PRDM16: variants seen among roughly 807,000 people sequenced by gnomAD.
PRDM16 encodes the protein PR/SET domain 16, also known as histone-lysine N-methyltransferase PRDM16.
In PRDM16, 23 loss-of-function variants were observed where a neutral mutation model predicts 110.6. That is an observed-to-expected ratio of 0.21 (90% CI 0.15 to 0.29). The LOEUF (loss-of-function observed/expected upper bound fraction) is 0.29, where lower values mean the gene tolerates loss of function less well. PRDM16 is among the 10% of genes least tolerant of loss of function. PRDM16 has a pLI of 1.00. For synonymous variants in PRDM16, 799 were observed against 781.8 expected, an observed-to-expected ratio of 1.02 and a Z score of -0.37; for missense variants, 1,615 against 1,794.3, an observed-to-expected ratio of 0.90 and a Z score of 1.81.
intron 3 of PRDM16, among the ~76,000 whole-genome samples, chr1:3,289,310 GC>G (rs941887848): frequency 6.6e-6 from 1 of 152,232 alleles, no homozygotes; most frequent in Non-Finnish European, 1.5e-5. Context: ...GAGGGGGTCA[GC>G]TTGGAAATCT....
chr1:3,085,988 G>T (rs1304874628), intron 1 of PRDM16, among the ~76,000 whole-genome samples: 1 of 152,248 alleles, frequency 6.6e-6, no homozygotes, highest in Non-Finnish European at 1.5e-5. Flanking sequence ...CTGACCCCAT[G>T]CCCTGGTCTG....
intron 6 of PRDM16, 64 bp from the exon 7 acceptor site, chr1:3,404,675 G>T (rs1467409859): frequency 4.4e-6 from 7 of 1,596,648 alleles, no homozygotes; most frequent in Non-Finnish European, 6.0e-6. Flanking sequence ...CTGTATGGTT[G>T]GGGTCCCCTC....
At chr1:3,184,481 C>T (rs1476653807) in intron 1 of PRDM16, among the ~76,000 whole-genome samples, 1 of 152,186 alleles carries the variant, frequency 6.6e-6, no homozygotes, top group African/African-American at 2.4e-5. Context: ...GAGGGGCTTG[C>T]GTGGAAAGAT....
chr1:3,276,676 C>CGTGAACAGAGCCAGCGAGGGGTGCT lies in PRDM16; in HGVS notation c.438+32563_438+32564insTGTGAACAGAGCCAGCGAGGGGTGC, dbSNP rs1333285261. Among the ~76,000 whole-genome samples the CGTGAACAGAGCCAGCGAGGGGTGCT allele has an allele frequency of 1.2e-3, 177 of 151,872 alleles. 1 individual carries two copies. The East Asian group carries it at 0.029, about 25-fold the overall frequency. ...GTCGGCCCCAGCCAGCTCGAGGTGC[C>CGTGAACAGAGCCAGCGAGGGGTGCT]GTGAACAGAGCCAGCGAGGGGTGCC... On this transcript the variant is annotated intron_variant, in intron 3 of 16. Transcript: ENST00000270722.
At chr1:3,217,963 G>T (rs1311564877) in intron 2 of PRDM16, among the ~76,000 whole-genome samples, 1 of 152,218 alleles carries the variant, frequency 6.6e-6, no homozygotes, top group Non-Finnish European at 1.5e-5. Context: ...TGTCACCGAT[G>T]TTGGGGTCTG....
intron 3 of PRDM16, among the ~76,000 whole-genome samples, chr1:3,279,947 C>G (rs1044321231): frequency 6.6e-6 from 1 of 150,730 alleles, no homozygotes; most frequent in South Asian, 2.1e-4. Flanking sequence ...AGCATGAGCT[C>G]GGTCAAGACA....
chr1:3,130,275 T>C (rs1643306145), intron 1 of PRDM16, among the ~76,000 whole-genome samples: 1 of 152,108 alleles, frequency 6.6e-6, no homozygotes. Flanking sequence ...ATGTGGACCG[T>C]GGGGTTCTGG....
rs910452616 is a variant in PRDM16, at chr1:3,414,500, G to A, written c.2604-60G>A. ...GGCGGGGTGGGCGGCTCTGTGGAGC[G>A]GGTGGCTCGGCGGGGCGGGCGGCTC... On this transcript the variant is annotated intron_variant, in intron 9 of 16. Coordinates refer to ENST00000270722, the MANE Select transcript of PRDM16 (RefSeq NM_022114.4). 1.6e-4 allele frequency: 214 copies of A among 1,336,414 alleles called. No homozygotes were observed. The South Asian group carries it at 1.9e-3, about 12-fold the overall frequency. The allele number at this position is 1,336,414 out of a possible 1,614,324, so 82.8% of individuals were successfully genotyped here.
chr1:3,252,912 A>G (rs1639966133), intron 3 of PRDM16, among the ~76,000 whole-genome samples: 1 of 152,128 alleles, frequency 6.6e-6, no homozygotes, highest in African/African-American at 2.4e-5. Context: ...TGCAGGAAAG[A>G]AGGAGAAAGG....
At position 3,146,806 on chromosome 1, in the gene PRDM16, C is replaced by T. The variant is rs562473012; in HGVS notation, c.38-39319C>T. Among the ~76,000 whole-genome samples, 658 of 106,994 alleles carry T rather than the reference C, an allele frequency of 6.1e-3. 7 individuals are homozygous for T. The highest frequency in any genetic ancestry group is 0.018 in the African/African-American group (502 of 27,732). 70.2% of individuals were successfully genotyped at this position (106,994 alleles called of 152,430 possible). A position where few individuals can be genotyped will look rare whatever the true frequency, so the allele number is the denominator to read the frequency against. On this transcript the variant is annotated intron_variant, in intron 1 of 16. Coordinates refer to ENST00000270722, the MANE Select transcript of PRDM16 (RefSeq NM_022114.4). ...GTGTGCTCGGTGTGGGGTGTGTGTA[C>T]GTGTGTGCTCAGTATGGAGTGTGTG...
intron 2 of PRDM16, among the ~76,000 whole-genome samples, chr1:3,187,261 C>T (rs958833951): frequency 6.6e-6 from 1 of 152,218 alleles, no homozygotes; most frequent in Non-Finnish European, 1.5e-5. Context: ...GGCCCTTCTG[C>T]CGGCCTCACG....
intron 2 of PRDM16, among the ~76,000 whole-genome samples, chr1:3,230,818 C>T (rs1350171677): frequency 2.0e-5 from 3 of 152,232 alleles, no homozygotes; most frequent in African/African-American, 7.2e-5. Context: ...GCCTCGGGCA[C>T]CATGAGGCAT....
chr1:3,071,610 G>A (rs1024568997), intron 1 of PRDM16, among the ~76,000 whole-genome samples: 2 of 152,272 alleles, frequency 1.3e-5, no homozygotes, highest in East Asian at 1.9e-4. Context: ...CATTTCATCA[G>A]GCGATATTTT....
intron 2 of PRDM16, among the ~76,000 whole-genome samples, chr1:3,224,038 C>T (rs1235518471): frequency 6.6e-6 from 1 of 152,164 alleles, no homozygotes; most frequent in Non-Finnish European, 1.5e-5. Flanking sequence ...TCCAGGGAAG[C>T]TATTGTGTCA....
chr1:3,218,505 C>T (rs1302120083), intron 2 of PRDM16, among the ~76,000 whole-genome samples: 1 of 152,244 alleles, frequency 6.6e-6, no homozygotes, highest in Non-Finnish European at 1.5e-5. Flanking sequence ...CACGTGCACA[C>T]AGATGTGCCC....
chr1:3,272,247 A>G (rs1259260119), intron 3 of PRDM16, among the ~76,000 whole-genome samples: 1 of 152,116 alleles, frequency 6.6e-6, no homozygotes, highest in Non-Finnish European at 1.5e-5. Context: ...GTGTGGTGAG[A>G]AGGTGGCAAC....
chr1:3,116,664 G>T (rs946492923), intron 1 of PRDM16, among the ~76,000 whole-genome samples: 5 of 152,172 alleles, frequency 3.3e-5, no homozygotes, highest in African/African-American at 4.8e-5. Context: ...GTCACTGCGG[G>T]TCTATGCCCG....
At chr1:3,114,300 CG>C (rs1557456380) in intron 1 of PRDM16, among the ~76,000 whole-genome samples, 1 of 124,578 alleles carries the variant, frequency 8.0e-6, no homozygotes, top group African/African-American at 3.0e-5. Context: ...GAAACGCACA[CG>C]CACGCACACA....
rs140225117 is a variant in PRDM16 at position 3,375,444 on chromosome 1, C to T, written c.439-9708C>T. Among the ~76,000 whole-genome samples, 506 of 152,348 alleles carry T rather than the reference C, an allele frequency of 3.3e-3. 12 individuals carry two copies. Among genetic ancestry groups the T allele is most frequent in the Admixed American group, 0.028 (426 of 15,304 alleles). ...CACCAGTGTGCTCCTTTATTTCTGA[C>T]GGTCAGGGCTGCAGCCCATGGCTCA... On this transcript the variant is annotated intron_variant, in intron 3 of 16. Coordinates refer to ENST00000270722, the MANE Select transcript of PRDM16 (RefSeq NM_022114.4).
Sources: allele counts gnomAD v4.1 joint callset (sites outside exome capture counted in the v4.1 genomes callset), GRCh38; gene constraint gnomAD v4.1.1; transcripts MANE v1.5; gene names NCBI Gene and HGNC (gene_info 2026-07-23, HGNC 2026-07-21).